ERBB4: variants seen among roughly 807,000 people sequenced by gnomAD.
ERBB4 encodes erb-b2 receptor tyrosine kinase 4.
A neutral mutation model predicts 158.0 loss-of-function variants in ERBB4; 42 were observed. The ratio of observed to expected loss-of-function variants is 0.27; its 90% CI spans 0.21 to 0.34. The LOEUF is 0.34. ERBB4 is among the 10% of genes least tolerant of loss of function. The pLI, the probability that ERBB4 is intolerant of heterozygous loss-of-function variation, is 1.00. For synonymous variants in ERBB4, 583 were observed against 558.7 expected, an observed-to-expected ratio of 1.04 and a Z score of -0.61; for missense variants, 1,333 against 1,624.1, an observed-to-expected ratio of 0.82 and a Z score of 3.08.
intron 1 of ERBB4, among the ~76,000 whole-genome samples, chr2:212,439,351 G>A (rs1404887839): frequency 6.6e-6 from 1 of 152,080 alleles, no homozygotes; most frequent in Admixed American, 6.6e-5. Context: ...AACTTTATCA[G>A]GTTTTCCATT....
intron 20 of ERBB4, among the ~76,000 whole-genome samples, chr2:211,526,291 CAAG>C (rs2066347545): frequency 2.6e-5 from 4 of 152,192 alleles, no homozygotes; most frequent in Admixed American, 2.6e-4. Context: ...AGACAAAAAA[CAAG>C]AGTCTCTGCC....
intron 20 of ERBB4, among the ~76,000 whole-genome samples, chr2:211,444,542 T>C (rs2064063943): frequency 6.6e-6 from 1 of 152,110 alleles, no homozygotes; most frequent in Non-Finnish European, 1.5e-5. Context: ...CCTTGTGTCC[T>C]ATATTTGTGT....
At chr2:211,564,871 A>T (rs1228685060) in intron 19 of ERBB4, among the ~76,000 whole-genome samples, 1 of 152,234 alleles carries the variant, frequency 6.6e-6, no homozygotes, top group Non-Finnish European at 1.5e-5. Context: ...AATTGATAGA[A>T]TGCCTGATGA....
intron 1 of ERBB4, among the ~76,000 whole-genome samples, chr2:212,173,740 T>A (rs1042867171): frequency 6.6e-6 from 1 of 151,980 alleles, no homozygotes; most frequent in Non-Finnish European, 1.5e-5. Flanking sequence ...GAATCAGAAT[T>A]TCCCTGAGCT....
At chr2:211,912,161 T>C (rs1192133479) in intron 3 of ERBB4, among the ~76,000 whole-genome samples, 2 of 152,124 alleles carry the variant, frequency 1.3e-5, no homozygotes, top group African/African-American at 4.8e-5. Context: ...AATCTACATT[T>C]TACACAAGAT....
At chr2:211,593,392 C>T (rs941957211) in intron 19 of ERBB4, among the ~76,000 whole-genome samples, 3 of 152,068 alleles carry the variant, frequency 2.0e-5, no homozygotes, top group African/African-American at 7.2e-5. Flanking sequence ...TTATGAAATG[C>T]AAGGCAAATC....
rs2081297230 is a variant in ERBB4, at chr2:211,965,889, A to G, written c.235-18273T>C. On this transcript the variant is annotated intron_variant, in intron 2 of 27. Transcript: ENST00000342788. ...GGCAAAGCATATTTATCTTTATCAC[A>G]TTTGAGAAATGTATGTCAATTTTTA... Among the ~76,000 whole-genome samples, 4 of 152,336 alleles carry G rather than the reference A, an allele frequency of 2.6e-5. No homozygotes were observed. In the South Asian group the frequency reaches 8.3e-4, roughly 32 times the overall value.
At chr2:212,173,022 T>C (rs753729415) in intron 1 of ERBB4, among the ~76,000 whole-genome samples, 17 of 152,158 alleles carry the variant, frequency 1.1e-4, no homozygotes, top group Admixed American at 2.0e-4. Flanking sequence ...TATATTATTA[T>C]GTGGGAAATA....
At chr2:212,058,673 G>T (rs2077660042) in intron 2 of ERBB4, among the ~76,000 whole-genome samples, 2 of 152,132 alleles carry the variant, frequency 1.3e-5, no homozygotes, top group Admixed American at 6.5e-5. Flanking sequence ...CATATAAAAA[G>T]AACTAAAGAC....
chr2:211,604,956 G>A (rs936642788), intron 19 of ERBB4, among the ~76,000 whole-genome samples: 4 of 152,036 alleles, frequency 2.6e-5, no homozygotes, highest in Non-Finnish European at 4.4e-5. Context: ...TAAATAATAG[G>A]AAGTTCTTAA....
chr2:212,260,008 G>T (rs1238059653), intron 1 of ERBB4, among the ~76,000 whole-genome samples: 1 of 151,666 alleles, frequency 6.6e-6, no homozygotes, highest in Non-Finnish European at 1.5e-5. Context: ...GGCAGAGGTT[G>T]CAGTGAACCG....
At chr2:211,956,307 A>G (rs2081029957) in intron 2 of ERBB4, among the ~76,000 whole-genome samples, 1 of 152,116 alleles carries the variant, frequency 6.6e-6, no homozygotes, top group Non-Finnish European at 1.5e-5. Flanking sequence ...TTGTTTAGAT[A>G]TAGATAGAGC....
At chr2:212,211,328 G>A (rs935204005) in intron 1 of ERBB4, among the ~76,000 whole-genome samples, 13 of 151,930 alleles carry the variant, frequency 8.6e-5, no homozygotes, top group South Asian at 8.3e-4. Context: ...AAGACACATC[G>A]CACACATACA....
chr2:211,686,877 T>G (rs2072578945), intron 12 of ERBB4, among the ~76,000 whole-genome samples: 1 of 152,142 alleles, frequency 6.6e-6, no homozygotes, highest in African/African-American at 2.4e-5. Context: ...GGAGGGGGTA[T>G]TCTTTCTTCA....
In ERBB4 at chr2:212,538,478, C is replaced by T. The variant is rs762676889; in HGVS notation, c.53G>A (p.Gly18Glu). The stretch of plus-strand genomic sequence containing the variant: ...CTGAGAATCGCTGGGCTGGACGGTC[C>T]CCGCCGCCACGAGAAGGCTCACCCA... ...WVWVSLLVAA[G>E]TVQPSDSQSV... is the part of the protein sequence containing the mutation. Residue 18 changes from glycine (G) to glutamate (E), a missense_variant, in exon 1 of 28, where the codon GGG (glycine) becomes GAG (glutamate). Gly to Glu is a moderately conservative substitution (Grantham distance 98, BLOSUM62 -2). Coordinates refer to ENST00000342788, the MANE Select transcript of ERBB4 (RefSeq NM_005235.3). 1 of 1,613,914 alleles carries T rather than the reference C, an allele frequency of 6.2e-7. No homozygotes were observed. Among genetic ancestry groups the T allele is most frequent in the African/African-American group, 1.3e-5 (1 of 74,920 alleles).
rs189957516 is a variant in ERBB4 at position 212,339,568 on chromosome 2, C to T, written c.82+198881G>A. 1.7e-3 allele frequency among the ~76,000 whole-genome samples: 262 copies of T among 152,254 alleles called. 1 individual carries two copies. The highest frequency in any genetic ancestry group is 6.0e-3 in the African/African-American group (250 of 41,560). Reference sequence around the variant, plus strand: ...AAAAAAGTCACGCATCCCACCACTTCATTTGCAAAATAATTGTGTACCTGA... The same window carrying T: ...AAAAAAGTCACGCATCCCACCACTTTATTTGCAAAATAATTGTGTACCTGA... On this transcript the variant is annotated intron_variant, in intron 1 of 27. Transcript: ENST00000342788.
At chr2:211,509,979 T>G (rs1342112679) in intron 20 of ERBB4, among the ~76,000 whole-genome samples, 2 of 152,052 alleles carry the variant, frequency 1.3e-5, no homozygotes, top group East Asian at 3.9e-4. Context: ...AGGGAACACT[T>G]TTACACTGTT....
At chr2:211,911,312 A>G (rs2079535603) in intron 3 of ERBB4, among the ~76,000 whole-genome samples, 1 of 152,110 alleles carries the variant, frequency 6.6e-6, no homozygotes, top group South Asian at 2.1e-4. Context: ...TGTCACCTAG[A>G]TTAGAGTGTA....
chr2:212,465,031 A>G (rs1415104750), intron 1 of ERBB4, among the ~76,000 whole-genome samples: 3 of 152,022 alleles, frequency 2.0e-5, no homozygotes, highest in Non-Finnish European at 1.5e-5. Context: ...GCCAACATCT[A>G]CCTATGTGAG....
Sources: gnomAD v4.1 joint callset for allele counts (sites outside exome capture counted in the v4.1 genomes callset) on GRCh38, gnomAD v4.1.1 for gene constraint, MANE v1.5 for transcripts, NCBI Gene and HGNC (gene_info 2026-07-23, HGNC 2026-07-21) for gene names.